RABGAP1L: variants seen among roughly 807,000 people sequenced by gnomAD.
The protein encoded by RABGAP1L is RAB GTPase activating protein 1 like, also known as rab GTPase-activating protein 1-like.
RABGAP1L carries 63 observed loss-of-function variants against 137.7 expected under a neutral mutation model. The ratio of observed to expected loss-of-function variants is 0.46; its 90% confidence interval spans 0.37 to 0.56. The LOEUF (loss-of-function observed/expected upper bound fraction) is 0.56. Ranked by LOEUF, RABGAP1L falls within the 20% of genes least tolerant of loss-of-function variation. The pLI is 0.00. For missense variants in RABGAP1L, 1,095 were observed against 1,244.0 expected (o/e 0.88, Z 1.80); for synonymous variants, 431 against 433.7 (o/e 0.99, Z 0.08).
At chr1:174,245,511 A>G (rs1672178629) in intron 5 of RABGAP1L, 1 of 151,952 alleles carries the variant, frequency 6.6e-6, no homozygotes, top group South Asian at 2.1e-4. Context: ...GTTTCCTGGT[A>G]GTGTGCCTCT....
chr1:174,788,521 T>C (rs1248263309), intron 18 of RABGAP1L, among the ~76,000 whole-genome samples: 5 of 152,342 alleles, frequency 3.3e-5, no homozygotes, highest in African/African-American at 1.2e-4. Context: ...TTCGATTGAC[T>C]ACAAGAGCTT....
intron 11 of RABGAP1L, among the ~76,000 whole-genome samples, chr1:174,346,666 G>A (rs1682460534): frequency 6.6e-6 from 1 of 150,412 alleles, no homozygotes; most frequent in South Asian, 2.1e-4. Flanking sequence ...TATCAATTTT[G>A]TTTATCTTTT....
chr1:174,611,631 A>G (rs1020943013), intron 13 of RABGAP1L, among the ~76,000 whole-genome samples: 9 of 150,540 alleles, frequency 6.0e-5, no homozygotes, highest in South Asian at 2.1e-4. Flanking sequence ...CATTGAATCT[A>G]TAAATTACCT....
intron 1 of RABGAP1L, among the ~76,000 whole-genome samples, chr1:174,183,892 GTC>G (rs1476331745): frequency 1.4e-5 from 2 of 142,192 alleles, no homozygotes; most frequent in Non-Finnish European, 3.0e-5. Flanking sequence ...TTGAGATGGA[GTC>G]TCACTCTGTT....
intron 13 of RABGAP1L, among the ~76,000 whole-genome samples, chr1:174,624,890 G>A (rs1269996309): frequency 1.4e-5 from 1 of 70,304 alleles, no homozygotes; most frequent in Admixed American, 1.5e-4. Context: ...TTTTTTTTTT[G>A]GATGGAGTCT....
chr1:174,945,591 G>C (rs142158524), intron 19 of RABGAP1L: 1 of 151,430 alleles, frequency 6.6e-6, no homozygotes, highest in Admixed American at 6.6e-5. Context: ...TCCTTCAAGT[G>C]TAAGGAATCT....
At chr1:174,904,416 A>G (rs1252124093) in intron 19 of RABGAP1L, among the ~76,000 whole-genome samples, 1 of 152,168 alleles carries the variant, frequency 6.6e-6, no homozygotes, top group African/African-American at 2.4e-5. Flanking sequence ...TTTTCGCACC[A>G]TACTGGGTTA....
chr1:174,837,068 G>T (rs1037317724), intron 19 of RABGAP1L, among the ~76,000 whole-genome samples: 1 of 152,132 alleles, frequency 6.6e-6, no homozygotes, highest in Non-Finnish European at 1.5e-5. Flanking sequence ...TTAGCTGGGC[G>T]TGGTGGCGCA....
intron 14 of RABGAP1L, among the ~76,000 whole-genome samples, chr1:174,676,141 A>T (rs913929366): frequency 6.6e-6 from 1 of 152,202 alleles, no homozygotes; most frequent in African/African-American, 2.4e-5. Flanking sequence ...CCTTATCCAT[A>T]AAATATTTTA....
At chr1:174,298,399 A>G (rs1276095906) in intron 10 of RABGAP1L, among the ~76,000 whole-genome samples, 1 of 152,140 alleles carries the variant, frequency 6.6e-6, no homozygotes, top group African/African-American at 2.4e-5. Context: ...CCTAGACCTG[A>G]TTTATGCCAT....
chr1:174,958,070 T>C, intron 20 of RABGAP1L: 1 of 1,522,592 alleles, frequency 6.6e-7, no homozygotes, highest in Non-Finnish European at 8.8e-7. Context: ...TTTTAGCAGG[T>C]GAACTGTTCC....
intron 4 of RABGAP1L, 37 bp downstream of exon 4, chr1:174,231,392 A>G: frequency 6.4e-7 from 1 of 1,568,670 alleles, no homozygotes; most frequent in East Asian, 2.2e-5. Flanking sequence ...ACACATATTA[A>G]GTCTTTTGGG....
rs1286250709 is a variant in RABGAP1L at position 174,992,748 on chromosome 1, A to G, written c.*2747A>G. ...CCAAACAATATGTCCTTCACTGTCT[A>G]TTGTTGGAAAACTCATGCATCCCAG... On this transcript the variant is annotated 3_prime_UTR_variant, in exon 26 of 26. Transcript: ENST00000681986. 2 of 152,202 alleles carry G rather than the reference A, an allele frequency of 1.3e-5. No individual in the cohort carries two copies. The highest frequency in any genetic ancestry group is 6.5e-5 in the Admixed American group (1 of 15,290). The allele number at this position is 152,202 out of a possible 1,614,324, so 9.4% of individuals were successfully genotyped here.
At chr1:174,315,210 C>T (rs572965876) in intron 11 of RABGAP1L, among the ~76,000 whole-genome samples, 49 of 152,136 alleles carry the variant, frequency 3.2e-4, no homozygotes, top group African/African-American at 3.9e-4. Flanking sequence ...ATCTTTTTGC[C>T]GAATTGATCC....
chr1:174,465,714 A>T (rs1657219615), intron 13 of RABGAP1L, among the ~76,000 whole-genome samples: 3 of 152,218 alleles, frequency 2.0e-5, no homozygotes, highest in Admixed American at 2.0e-4. Flanking sequence ...GAAGTGATAG[A>T]GATGGGAGGC....
rs984704173 is a variant in RABGAP1L at position 174,991,653 on chromosome 1, CATT to C, written c.*1653_*1655del. The C allele has an allele frequency of 7.2e-5, 11 of 152,264 alleles. No homozygotes were observed. The highest frequency in any genetic ancestry group is 1.9e-4 in the African/African-American group (8 of 41,556). 9.4% of individuals were successfully genotyped at this position (152,264 alleles called of 1,614,324 possible). ...TAATACTTTTCTTACATAAATCTTT[CATT>C]GTTGTTCTGACATCTTTCATTACAA... On this transcript the variant is annotated 3_prime_UTR_variant, in exon 26 of 26. Coordinates refer to ENST00000681986, the MANE Select transcript of RABGAP1L (RefSeq NM_001366446.1).
chr1:174,516,120 TACACACACACACACAC>T (rs61414923), intron 13 of RABGAP1L, among the ~76,000 whole-genome samples: 25 of 133,306 alleles, frequency 1.9e-4, no homozygotes, highest in African/African-American at 5.6e-4. Context: ...ACTGAAGCTC[TACACACACACACACAC>T]ACACACACAC....
intron 1 of RABGAP1L, among the ~76,000 whole-genome samples, chr1:174,161,628 C>G (rs1664468062): frequency 6.6e-6 from 1 of 152,210 alleles, no homozygotes; most frequent in Non-Finnish European, 1.5e-5. Context: ...CTACATTGTC[C>G]TCTAGAAAGC....
intron 17 of RABGAP1L, among the ~76,000 whole-genome samples, chr1:174,744,881 G>T (rs186130567): frequency 8.7e-4 from 133 of 152,272 alleles, no homozygotes; most frequent in African/African-American, 3.1e-3. Flanking sequence ...TTATACTATG[G>T]TTATGTAAGA....
Sources: allele counts gnomAD v4.1 joint callset (sites outside exome capture counted in the v4.1 genomes callset), GRCh38; gene constraint gnomAD v4.1.1; transcripts MANE v1.5; gene names NCBI Gene and HGNC (gene_info 2026-07-23, HGNC 2026-07-21).